C17orf67: variants seen among roughly 807,000 people sequenced by gnomAD.
The protein encoded by C17orf67 is uncharacterized protein C17orf67.
Under a neutral mutation model 11.2 loss-of-function variants are expected in C17orf67, and 12 were observed. The observed-to-expected ratio is 1.07, with a 90% CI of 0.68 to 1.73. The LOEUF is 1.73. C17orf67 is among the 40% of genes most tolerant of loss of function. The pLI, the probability that C17orf67 is intolerant of heterozygous loss-of-function variation, is 0.00. For missense variants in C17orf67, 115 were observed against 113.5 expected, an observed-to-expected ratio of 1.01 and a Z score of -0.06; for synonymous variants, 59 against 46.9, an observed-to-expected ratio of 1.26 and a Z score of -1.05.
At chr17:56,810,949 C>T (rs568120266) in intron 6 of C17orf67, among the ~76,000 whole-genome samples, 4 of 152,330 alleles carry the variant, frequency 2.6e-5, no homozygotes, top group African/African-American at 9.6e-5. Flanking sequence ...AACAAGGAGA[C>T]CCAAGAGGCG....
At chr17:56,818,825 G>C (rs182648930) in intron 4 of C17orf67, among the ~76,000 whole-genome samples, 16 of 152,122 alleles carry the variant, frequency 1.1e-4, no homozygotes, top group African/African-American at 3.9e-4. Flanking sequence ...CAAGTGCTCG[G>C]TAGCCACATG....
intron 2 of C17orf67, among the ~76,000 whole-genome samples, chr17:56,831,835 G>A (rs1453809831): frequency 1.3e-5 from 2 of 152,138 alleles, no homozygotes; most frequent in South Asian, 2.1e-4. Flanking sequence ...AGGCTTCCCT[G>A]AGCCCCCTTT....
chr17:56,804,384 T>G (rs1905396026), intron 6 of C17orf67: 1 of 152,196 alleles, frequency 6.6e-6, no homozygotes, highest in Non-Finnish European at 1.5e-5. Context: ...GGAAAAATTA[T>G]TTTGCTCATT....
intron 6 of C17orf67, among the ~76,000 whole-genome samples, chr17:56,804,706 T>C (rs935731899): frequency 6.6e-6 from 1 of 152,186 alleles, no homozygotes; most frequent in African/African-American, 2.4e-5. Flanking sequence ...CCAAGAAAAG[T>C]GTATTCCCAG....
chr17:56,829,974 A>AT (rs1567802331), intron 2 of C17orf67, among the ~76,000 whole-genome samples: 1 of 152,152 alleles, frequency 6.6e-6, no homozygotes. Flanking sequence ...CAACTGCAAT[A>AT]TTTTTTCTAG....
At chr17:56,829,993 T>A (rs1906148595) in intron 2 of C17orf67, among the ~76,000 whole-genome samples, 1 of 152,180 alleles carries the variant, frequency 6.6e-6, no homozygotes, top group Non-Finnish European at 1.5e-5. Context: ...AGAGTTATAG[T>A]CCCAACAATT....
intron 2 of C17orf67, among the ~76,000 whole-genome samples, chr17:56,830,608 C>G (rs927741087): frequency 2.0e-5 from 3 of 152,074 alleles, no homozygotes; most frequent in Non-Finnish European, 4.4e-5. Context: ...CAATTAGCCA[C>G]CACGCCTGGC....
chr17:56,815,085 T>C, intron 5 of C17orf67, 116 bp from the exon 6 acceptor site: 1 of 849,342 alleles, frequency 1.2e-6, no homozygotes, highest in Non-Finnish European at 2.0e-6. Context: ...ATGAAAGTTC[T>C]TTCCCGGGGA....
intron 4 of C17orf67, among the ~76,000 whole-genome samples, chr17:56,816,964 C>T (rs1400072174): frequency 6.6e-6 from 1 of 152,208 alleles, no homozygotes; most frequent in Non-Finnish European, 1.5e-5. Context: ...ATCCTTCCAC[C>T]TCAGCCTCCC....
intron 6 of C17orf67, 140 bp from the exon 7 acceptor site, chr17:56,795,320 G>T: frequency 1.4e-6 from 1 of 724,018 alleles, no homozygotes; most frequent in Non-Finnish European, 2.4e-6. Flanking sequence ...CCACACCCAT[G>T]CCTCTCTGTA....
chr17:56,793,494 G>A (rs1371622551), intron 7 of C17orf67, among the ~76,000 whole-genome samples: 1 of 152,206 alleles, frequency 6.6e-6, no homozygotes, highest in Non-Finnish European at 1.5e-5. Flanking sequence ...CTACTGTGGG[G>A]CTGAACCCAG....
In C17orf67 at chr17:56,833,118, A is replaced by G. The variant is rs1196424740; in HGVS notation, c.-777T>C. The G allele has an allele frequency of 6.6e-6, 1 of 152,180 alleles. No homozygotes were observed. Among genetic ancestry groups the G allele is most frequent in the African/African-American group, 2.4e-5 (1 of 41,422 alleles). 9.4% of individuals were successfully genotyped at this position (152,180 alleles called of 1,614,324 possible). Reference sequence around the variant, plus strand: ...CCTCGGCTCCCACTCCTATGTATGTATGTAGTAGGAAGGAAGCCGCTGAGT... The same window carrying G: ...CCTCGGCTCCCACTCCTATGTATGTGTGTAGTAGGAAGGAAGCCGCTGAGT... On this transcript the variant is annotated 5_prime_UTR_variant, in exon 2 of 8. Coordinates refer to ENST00000397861, the MANE Select transcript of C17orf67 (RefSeq NM_001085430.4).
chr17:56,824,541 G>A (rs1277627824), intron 4 of C17orf67, among the ~76,000 whole-genome samples, 198 bp downstream of exon 4: 1 of 152,178 alleles, frequency 6.6e-6, no homozygotes, highest in Non-Finnish European at 1.5e-5. Context: ...ATGTCTCCCT[G>A]AGCTGAGCTG....
chr17:56,810,182 A>C (rs1905582098), intron 6 of C17orf67, among the ~76,000 whole-genome samples: 1 of 139,820 alleles, frequency 7.2e-6, no homozygotes, highest in South Asian at 2.3e-4. Context: ...CACTCCTTGA[A>C]CACACCCTTC....
chr17:56,813,984 G>A (rs561021038), intron 6 of C17orf67, among the ~76,000 whole-genome samples: 1 of 152,238 alleles, frequency 6.6e-6, no homozygotes, highest in Non-Finnish European at 1.5e-5. Context: ...AGCACTCTTC[G>A]TCACTGTGCA....
Position 56,815,939 on chromosome 17 carries a change from A to C in C17orf67, c.-129T>G. On this transcript the variant is annotated 5_prime_UTR_variant, in exon 5 of 8. Coordinates refer to ENST00000397861, the MANE Select transcript of C17orf67 (RefSeq NM_001085430.4). Reference sequence around the variant, plus strand: ...AACGGGACTTACGGTATGATGCTGAATGTATCTGACTCTGAGCGTTTTAGT... The same window carrying C: ...AACGGGACTTACGGTATGATGCTGACTGTATCTGACTCTGAGCGTTTTAGT... 6.5e-7 allele frequency: 1 copy of C among 1,527,024 alleles called. No homozygotes were observed. Among genetic ancestry groups the C allele is most frequent in the Non-Finnish European group, 8.9e-7 (1 of 1,126,246 alleles). The allele number at this position is 1,527,024 out of a possible 1,614,324, so 94.6% of individuals were successfully genotyped here. A position where few individuals can be genotyped will look rare whatever the true frequency, so the allele number is the denominator to read the frequency against.
Position 56,833,687 on chromosome 17 carries a change from T to G in C17orf67, c.-1071A>C, listed in dbSNP as rs1308283132. ...TCCCCCCCTCGCTTCCCAGTCGGCT[T>G]ACGCATCCCCGGCGGCGGCGGCGCC... is the stretch of plus-strand genomic sequence containing the variant. On this transcript the variant is annotated 5_prime_UTR_variant, in exon 1 of 8. Transcript: ENST00000397861. The G allele has an allele frequency of 6.6e-6, 1 of 151,666 alleles. No individual in the cohort carries two copies. The highest frequency in any genetic ancestry group is 1.5e-5 in the Non-Finnish European group (1 of 67,938). The allele number at this position is 151,666 out of a possible 1,614,324, so 9.4% of individuals were successfully genotyped here.
Position 56,824,790 on chromosome 17 carries a change from G to A in C17orf67, c.-252C>T, listed in dbSNP as rs1013496230. 9 of 152,174 alleles carry A rather than the reference G, an allele frequency of 5.9e-5. No individual in the cohort carries two copies. The highest frequency in any genetic ancestry group is 5.9e-4 in the Admixed American group (9 of 15,264). 9.4% of individuals were successfully genotyped at this position (152,174 alleles called of 1,614,324 possible). On this transcript the variant is annotated 5_prime_UTR_variant, in exon 4 of 8. Transcript: ENST00000397861. ...ATGATTTACTGCTATTTCCCAAAAG[G>A]GCCAGCTTTGGGCTTTTCAGTCTTT...
intron 4 of C17orf67, among the ~76,000 whole-genome samples, chr17:56,822,691 T>G (rs1042047956): frequency 6.6e-5 from 10 of 152,196 alleles, no homozygotes; most frequent in Non-Finnish European, 1.2e-4. Context: ...TCACACGTAT[T>G]AAGACACACA....
Sources: allele counts gnomAD v4.1 joint callset (sites outside exome capture counted in the v4.1 genomes callset), GRCh38; gene constraint gnomAD v4.1.1; transcripts MANE v1.5; gene names NCBI Gene and HGNC (gene_info 2026-07-23, HGNC 2026-07-21).